The following ADGRL4 variants were observed in gnomAD, a reference collection of about 807,000 sequenced individuals.
ADGRL4 encodes the protein adhesion G protein-coupled receptor L4, also known as EGF, latrophilin and seven transmembrane domain containing 1.
In ADGRL4, 90 loss-of-function variants were observed where a neutral mutation model predicts 74.8. The ratio of observed to expected loss-of-function variants is 1.20; its 90% confidence interval spans 1.02 to 1.43. ADGRL4 has a LOEUF of 1.43. Among genes scored for constraint, ADGRL4 ranks in the 40% most tolerant of loss-of-function variants. The pLI, the probability that ADGRL4 is intolerant of heterozygous loss-of-function variation, is 0.00. For synonymous variants in ADGRL4, 311 were observed against 279.2 expected (o/e 1.11, Z -1.14); for missense variants, 881 against 814.3 (o/e 1.08, Z -1.00).
At chr1:78,915,079 GC>G (rs2100666167) in intron 12 of ADGRL4, among the ~76,000 whole-genome samples, 1 of 151,882 alleles carries the variant, frequency 6.6e-6, no homozygotes, top group African/African-American at 2.4e-5. Flanking sequence ...CATGACCTAG[GC>G]AGACCTGCAA....
chr1:78,890,976 A>G lies in ADGRL4; in HGVS notation c.*178T>C, dbSNP rs2100646586. ...GAAAAACATAGTATATCTATATGATACATAATTTTACCTTATTATCTACAG... is the reference window on the plus strand; with the variant it reads ...GAAAAACATAGTATATCTATATGATGCATAATTTTACCTTATTATCTACAG... On this transcript the variant is annotated 3_prime_UTR_variant, in exon 15 of 15. Coordinates refer to ENST00000370742, the MANE Select transcript of ADGRL4 (RefSeq NM_022159.4). 2 of 645,988 alleles carry G rather than the reference A, an allele frequency of 3.1e-6. No homozygotes were observed. The highest frequency in any genetic ancestry group is 5.6e-6 in the Non-Finnish European group (2 of 359,138). 40.0% of individuals were successfully genotyped at this position (645,988 alleles called of 1,614,324 possible).
At chr1:78,905,715 G>C (rs1206771459) in intron 12 of ADGRL4, among the ~76,000 whole-genome samples, 1 of 151,856 alleles carries the variant, frequency 6.6e-6, no homozygotes, top group Non-Finnish European at 1.5e-5. Context: ...GCCTAGAACA[G>C]TGTTTGGAAT....
At position 78,892,968 on chromosome 1, in the gene ADGRL4, C is replaced by A. The variant is rs571111621; in HGVS notation, c.1841+130G>T. 6 of 603,674 alleles carry A rather than the reference C, an allele frequency of 9.9e-6. No individual in the cohort carries two copies. In the East Asian group the frequency reaches 1.2e-4, roughly 12 times the overall value. The allele number at this position is 603,674 out of a possible 1,614,324, so 37.4% of individuals were successfully genotyped here. ...ACATACTAAATGCTATTTTCCGATG[C>A]GTCTTTTAAATATGGTAAAGTATGA... On this transcript the variant is annotated intron_variant, in intron 13 of 14. Transcript: ENST00000370742.
At position 78,891,523 on chromosome 1, in the gene ADGRL4, C is replaced by A. The variant is rs756877278; in HGVS notation, c.2010+1G>T. The A allele has an allele frequency of 1.2e-6, 2 of 1,609,966 alleles. No individual in the cohort carries two copies. Among genetic ancestry groups the A allele is most frequent in the Non-Finnish European group, 1.7e-6 (2 of 1,178,630 alleles). The stretch of plus-strand genomic sequence containing the variant: ...AACCACCAAAATAAGAAATTGTTTA[C>A]CTTTCTAGATAAAACACACAGGAAT... On this transcript the variant is annotated splice_donor_variant, in intron 14 of 14. Transcript: ENST00000370742. LOFTEE classifies it high-confidence loss of function.
At chr1:79,006,306 C>G (rs759056445) in intron 1 of ADGRL4, among the ~76,000 whole-genome samples, 1 of 152,152 alleles carries the variant, frequency 6.6e-6, no homozygotes, top group Admixed American at 6.6e-5. Context: ...GCCCGGCAAT[C>G]CCCTTAAAAT....
chr1:78,933,363 T>C (rs1297483770), intron 7 of ADGRL4, among the ~76,000 whole-genome samples: 1 of 151,412 alleles, frequency 6.6e-6, no homozygotes, highest in African/African-American at 2.5e-5. Context: ...GAAAAGGCAT[T>C]TGACAAAATT....
intron 2 of ADGRL4, among the ~76,000 whole-genome samples, chr1:78,954,768 C>G (rs1360891783): frequency 6.6e-6 from 1 of 152,002 alleles, no homozygotes; most frequent in Non-Finnish European, 1.5e-5. Flanking sequence ...AACTTAAACA[C>G]AACATTTTAG....
At chr1:78,951,752 A>G (rs1649727153) in intron 2 of ADGRL4, among the ~76,000 whole-genome samples, 1 of 152,194 alleles carries the variant, frequency 6.6e-6, no homozygotes, top group Non-Finnish European at 1.5e-5. Flanking sequence ...GTAGAAAGAG[A>G]ATCTGGTAGA....
chr1:78,942,302 T>G (rs1019451638), intron 3 of ADGRL4, among the ~76,000 whole-genome samples: 2 of 151,960 alleles, frequency 1.3e-5, no homozygotes, highest in African/African-American at 2.4e-5. Flanking sequence ...ATACTGTAAC[T>G]GGAAAATCAG....
chr1:78,941,980 A>G (rs1333105138), intron 3 of ADGRL4, among the ~76,000 whole-genome samples: 1 of 152,006 alleles, frequency 6.6e-6, no homozygotes, highest in Non-Finnish European at 1.5e-5. Context: ...CGGGTGGATC[A>G]CGAGGTCAGG....
At chr1:78,965,393 A>G (rs1650035186) in intron 2 of ADGRL4, among the ~76,000 whole-genome samples, 1 of 152,198 alleles carries the variant, frequency 6.6e-6, no homozygotes, top group South Asian at 2.1e-4. Flanking sequence ...GCAGACTAAT[A>G]GAAGATAAAG....
intron 2 of ADGRL4, among the ~76,000 whole-genome samples, chr1:79,001,073 T>G (rs895843579): frequency 6.0e-5 from 9 of 151,120 alleles, no homozygotes; most frequent in African/African-American, 2.2e-4. Flanking sequence ...AGGAGCCACC[T>G]CCTTTTGAGG....
At chr1:78,957,042 A>G (rs771792775) in intron 2 of ADGRL4, among the ~76,000 whole-genome samples, 1 of 152,164 alleles carries the variant, frequency 6.6e-6, no homozygotes, top group Non-Finnish European at 1.5e-5. Flanking sequence ...ATATGTGATT[A>G]GTGTTCTTTG....
intron 7 of ADGRL4, among the ~76,000 whole-genome samples, chr1:78,935,421 G>C (rs12030712): frequency 0.23 from 34,993 of 151,782 alleles, 4,715 homozygotes; most frequent in Middle Eastern, 0.31. Flanking sequence ...GGAAAGAGGG[G>C]AGGGAACTTA....
At chr1:79,006,590 G>T (rs1336099656) in intron 1 of ADGRL4, 43 bp downstream of exon 1, 2 of 1,533,414 alleles carry the variant, frequency 1.3e-6, no homozygotes, top group Non-Finnish European at 1.8e-6. Flanking sequence ...CAAGGGATTG[G>T]TCCCTCCGAC....
chr1:78,978,578 T>C (rs965687402), intron 2 of ADGRL4, among the ~76,000 whole-genome samples: 11 of 150,884 alleles, frequency 7.3e-5, no homozygotes, highest in African/African-American at 2.4e-4. Flanking sequence ...CAAAATGATA[T>C]GTTTTCCTTT....
At chr1:78,946,177 C>CA in intron 3 of ADGRL4, 97 bp downstream of exon 3, 1 of 879,996 alleles carries the variant, frequency 1.1e-6, no homozygotes, top group Non-Finnish European at 1.7e-6. Flanking sequence ...AGGGTACGAT[C>CA]AAGGTCTGGC....
Position 78,898,649 on chromosome 1 carries a change from TAA to T in ADGRL4, c.1750-5462_1750-5461del, listed in dbSNP as rs574176020. 1.7e-3 allele frequency among the ~76,000 whole-genome samples: 256 copies of T among 152,074 alleles called. 1 individual carries two copies. Among genetic ancestry groups the T allele is most frequent in the African/African-American group, 5.9e-3 (247 of 41,516 alleles). ...CTGCACTTCAGAATACAGAAGAGAATAAAAATAGCTGTGAAGAAAAAAAGTCA... is the reference window on the plus strand; with the variant it reads ...CTGCACTTCAGAATACAGAAGAGAATAAATAGCTGTGAAGAAAAAAAGTCA... On this transcript the variant is annotated intron_variant, in intron 12 of 14. Coordinates refer to ENST00000370742, the MANE Select transcript of ADGRL4 (RefSeq NM_022159.4).
intron 12 of ADGRL4, among the ~76,000 whole-genome samples, chr1:78,907,456 G>A (rs1365379289): frequency 6.6e-6 from 1 of 151,852 alleles, no homozygotes; most frequent in Non-Finnish European, 1.5e-5. Flanking sequence ...AATCCATAAG[G>A]TTTTTGTTTT....
Sources: allele counts gnomAD v4.1 joint callset (sites outside exome capture counted in the v4.1 genomes callset), GRCh38; gene constraint gnomAD v4.1.1; transcripts MANE v1.5; gene names NCBI Gene and HGNC (gene_info 2026-07-23, HGNC 2026-07-21).